The following HPD variants were observed in gnomAD, a reference collection of about 807,000 sequenced individuals.
HPD encodes 4-hydroxyphenylpyruvic acid oxidase.
A neutral mutation model predicts 56.9 loss-of-function variants in HPD; 35 were observed. The observed-to-expected ratio is 0.62, with a 90% CI of 0.47 to 0.82. The LOEUF (loss-of-function observed/expected upper bound fraction) is 0.82, where lower values mean the gene tolerates loss of function less well. HPD is among the 40% of genes least tolerant of loss of function. HPD has a pLI of 0.00. For missense variants in HPD, 442 were observed against 506.8 expected (o/e 0.87, Z 1.23); for synonymous variants, 186 against 200.2 (o/e 0.93, Z 0.60).
At chr12:121,860,447 C>T (rs1878144909), upstream of HPD, among the ~76,000 whole-genome samples, 1 of 152,218 alleles carries the variant, frequency 6.6e-6, no homozygotes, top group Non-Finnish European at 1.5e-5. Context: ...GAGGTAGGAA[C>T]TCTGTCCCCA....
rs561723674 is a variant in HPD, at chr12:121,848,986, G to A, written c.596+13C>T. On this transcript the variant is annotated intron_variant, in intron 9 of 13. Coordinates refer to ENST00000289004, the MANE Select transcript of HPD (RefSeq NM_002150.3). ...CGTCATCTTCACGCAGAGGGAGAGGGCCAAGGTCTCACCATTCGGAGGCGG... is the reference window on the plus strand; with the variant it reads ...CGTCATCTTCACGCAGAGGGAGAGGACCAAGGTCTCACCATTCGGAGGCGG... The A allele has an allele frequency of 1.9e-6, 3 of 1,605,804 alleles. No individual in the cohort carries two copies. Among genetic ancestry groups the A allele is most frequent in the African/African-American group, 2.7e-5 (2 of 74,852 alleles).
Position 121,852,622 on chromosome 12 carries a change from CTTTTTTTTTTTTTTTT to C in HPD, c.414+2065_414+2080del, listed in dbSNP as rs1176954964. 8.5e-5 allele frequency among the ~76,000 whole-genome samples: 6 copies of C among 70,486 alleles called. No homozygotes were observed. The South Asian group carries it at 2.8e-3, about 33-fold the overall frequency. The allele number at this position is 70,486 out of a possible 152,430, so 46.2% of individuals were successfully genotyped here. A position where few individuals can be genotyped will look rare whatever the true frequency, so the allele number is the denominator to read the frequency against. ...TATACACAAATGACCTCATTGGATC[CTTTTTTTTTTTTTTTT>C]TTTTTTTTTTTTTTGAGAGGGAGTC... On this transcript the variant is annotated intron_variant, in intron 7 of 13. Transcript: ENST00000289004.
the HPD span, among the ~76,000 whole-genome samples, chr12:121,872,880 C>G: frequency 6.6e-6 from 1 of 152,106 alleles, no homozygotes; most frequent in South Asian, 2.1e-4. Flanking sequence ...TTCCTGATGT[C>G]TGAGCAACTT....
At chr12:121,868,527 T>C (rs578177611), upstream of HPD, among the ~76,000 whole-genome samples, 1 of 149,644 alleles carries the variant, frequency 6.7e-6, no homozygotes, top group Admixed American at 6.7e-5. Flanking sequence ...TTTCTTTTTT[T>C]TTTTTTTTTT....
At chr12:121,843,957 G>A (rs1877491486) in intron 11 of HPD, 125 bp from the exon 12 acceptor site, 1 of 1,064,136 alleles carries the variant, frequency 9.4e-7, no homozygotes, top group South Asian at 1.3e-5. Context: ...CCAGGATGCT[G>A]TGTGGCCTCT....
chr12:121,869,921 T>A, the HPD span, among the ~76,000 whole-genome samples: 4 of 152,134 alleles, frequency 2.6e-5, no homozygotes, highest in African/African-American at 9.7e-5. Context: ...TGCTTTAGTG[T>A]CCTAAGAAGT....
In HPD at chr12:121,849,979, G is replaced by A. The variant is rs1449562; in HGVS notation, c.415-189C>T. Reference sequence around the variant, plus strand: ...ATCTGTCACTTGTTTGAGAGTTTCCGTGAGGGCGGGGACACTGTTTTGCTC... The same window carrying A: ...ATCTGTCACTTGTTTGAGAGTTTCCATGAGGGCGGGGACACTGTTTTGCTC... On this transcript the variant is annotated intron_variant, in intron 7 of 13. Coordinates refer to ENST00000289004, the MANE Select transcript of HPD (RefSeq NM_002150.3). 0.48 allele frequency: 296,709 copies of A among 618,684 alleles called. 73,849 individuals are homozygous for A. The highest frequency in any genetic ancestry group is 0.74 in the East Asian group (24,976 of 33,730). 38.3% of individuals were successfully genotyped at this position (618,684 alleles called of 1,614,324 possible). A position where few individuals can be genotyped will look rare whatever the true frequency, so the allele number is the denominator to read the frequency against.
intron 4 of HPD, 74 bp downstream of exon 4, chr12:121,857,254 A>G: frequency 9.9e-7 from 1 of 1,012,030 alleles, no homozygotes; most frequent in Non-Finnish European, 1.6e-6. Flanking sequence ...TAATTTTTCT[A>G]TTTTTAATAG....
At chr12:121,886,292 T>C in the HPD span, among the ~76,000 whole-genome samples, 1 of 151,230 alleles carries the variant, frequency 6.6e-6, no homozygotes, top group Non-Finnish European at 1.5e-5. Flanking sequence ...GTATTTTTAG[T>C]AGAGATGGAG....
the HPD span, chr12:121,874,320 T>C: frequency 6.6e-6 from 1 of 152,106 alleles, no homozygotes; most frequent in Admixed American, 6.6e-5. Flanking sequence ...CATCCAAACA[T>C]AAAACCAGTT....
At chr12:121,840,087 C>G in intron 12 of HPD, 39 bp from the exon 13 acceptor site, 1 of 1,364,770 alleles carries the variant, frequency 7.3e-7, no homozygotes, top group South Asian at 1.2e-5. Flanking sequence ...GGGAGGCTGG[C>G]ACGGTGAGAT....
intron 7 of HPD, among the ~76,000 whole-genome samples, chr12:121,851,047 G>C (rs1344489718): frequency 1.3e-5 from 2 of 151,970 alleles, no homozygotes; most frequent in Non-Finnish European, 2.9e-5. Flanking sequence ...ATTTTTAGTA[G>C]AGATGGGGTT....
chr12:121,871,519 A>G, the HPD span, among the ~76,000 whole-genome samples: 2 of 152,138 alleles, frequency 1.3e-5, no homozygotes, highest in South Asian at 4.1e-4. Context: ...GCCAGGCCCC[A>G]CAGCTCTCCC....
chr12:121,856,076 T>C (rs1286605878), intron 6 of HPD, among the ~76,000 whole-genome samples: 1 of 150,558 alleles, frequency 6.6e-6, no homozygotes, highest in African/African-American at 2.5e-5. Flanking sequence ...TGAGGCTCAG[T>C]GAGAGAGAGG....
intron 7 of HPD, among the ~76,000 whole-genome samples, chr12:121,850,231 C>A (rs924930795): frequency 6.6e-6 from 1 of 151,860 alleles, no homozygotes; most frequent in Non-Finnish European, 1.5e-5. Flanking sequence ...ACCATCCTGG[C>A]GAACACGGTG....
At chr12:121,866,846 T>A (rs970501685), upstream of HPD, among the ~76,000 whole-genome samples, 1 of 152,022 alleles carries the variant, frequency 6.6e-6, no homozygotes, top group African/African-American at 2.4e-5. Context: ...AACTATGACC[T>A]CAATCAAGAT....
chr12:121,856,676 G>A, intron 4 of HPD, 51 bp from the exon 5 acceptor site: 1 of 1,566,030 alleles, frequency 6.4e-7, no homozygotes, highest in Admixed American at 1.7e-5. Context: ...GGGGCATGGG[G>A]AGGTGCACCC....
intron 1 of HPD, 30 bp downstream of exon 1, chr12:121,858,791 C>T: frequency 1.2e-6 from 2 of 1,614,100 alleles, no homozygotes; most frequent in Non-Finnish European, 1.7e-6. Context: ...GAAGATGTCC[C>T]ACCCAAGGGG....
chr12:121,842,511 T>C (rs547671881), intron 12 of HPD, among the ~76,000 whole-genome samples: 2 of 151,896 alleles, frequency 1.3e-5, no homozygotes, highest in African/African-American at 4.8e-5. Context: ...CTGTAGCCTC[T>C]ACCTCCTGGG....
Sources: allele counts gnomAD v4.1 joint callset (sites outside exome capture counted in the v4.1 genomes callset), GRCh38; gene constraint gnomAD v4.1.1; transcripts MANE v1.5; gene names NCBI Gene and HGNC (gene_info 2026-07-23, HGNC 2026-07-21).